Variants in SRBD1 observed in about 807,000 individuals in gnomAD.
SRBD1 encodes the protein S1 RNA-binding domain-containing protein 1.
A neutral mutation model predicts 115.3 loss-of-function variants in SRBD1; 88 were observed. That is an observed-to-expected ratio of 0.76 (90% CI 0.64 to 0.91). The LOEUF is 0.91. Among genes scored for constraint, SRBD1 ranks in the 40% least tolerant of loss-of-function variants. The pLI, the probability that SRBD1 is intolerant of heterozygous loss-of-function variation, is 0.00. For missense variants in SRBD1, 1,385 were observed against 1,177.4 expected, an observed-to-expected ratio of 1.18 and a Z score of -2.58; for synonymous variants, 509 against 407.7, an observed-to-expected ratio of 1.25 and a Z score of -2.99.
intron 7 of SRBD1, 81 bp downstream of exon 7, chr2:45,579,793 CA>C: frequency 7.1e-7 from 1 of 1,414,374 alleles, no homozygotes; most frequent in Non-Finnish European, 9.3e-7. Flanking sequence ...CAGTACTTAA[CA>C]AAACAGTTTT....
At chr2:45,389,746 C>A in intron 20 of SRBD1, 147 bp from the exon 21 acceptor site, 1 of 783,300 alleles carries the variant, frequency 1.3e-6, no homozygotes, top group East Asian at 2.7e-5. Context: ...CAGACCAACG[C>A]TTGCCTTCAG....
At chr2:45,564,383 C>T (rs749913481) in intron 9 of SRBD1, among the ~76,000 whole-genome samples, 12 of 152,166 alleles carry the variant, frequency 7.9e-5, no homozygotes, top group Non-Finnish European at 1.3e-4. Context: ...AGCGTGTCCA[C>T]TCTCACAACA....
chr2:45,418,676 T>TA (rs71948671), intron 17 of SRBD1, 135 bp from the exon 18 acceptor site: 993 of 392,780 alleles, frequency 2.5e-3, no homozygotes, highest in East Asian at 8.6e-3. Context: ...AAAGGGAGTT[T>TA]AAAAAAAAAA....
At position 45,493,531 on chromosome 2, in the gene SRBD1, C is replaced by G. The variant is rs2103870441; in HGVS notation, c.1875-5200G>C. Among the ~76,000 whole-genome samples the G allele has an allele frequency of 1.3e-5, 2 of 152,182 alleles. 1 individual carries two copies. The highest frequency in any genetic ancestry group is 4.1e-4 in the South Asian group (2 of 4,820). On this transcript the variant is annotated intron_variant, in intron 14 of 20. Coordinates refer to ENST00000263736, the MANE Select transcript of SRBD1 (RefSeq NM_018079.5). ...AGTCATCTTAAAAACTTAGGTAAGG[C>G]CAGGCACGGTGGCACACACCTGTAA... is the stretch of plus-strand genomic sequence containing the variant.
At position 45,389,422 on chromosome 2, in the gene SRBD1, G is replaced by C; in HGVS notation, c.2876C>G (p.Thr959Arg). The C allele has an allele frequency of 6.2e-7, 1 of 1,613,948 alleles. No individual in the cohort carries two copies. Among genetic ancestry groups the C allele is most frequent in the Admixed American group, 1.7e-5 (1 of 59,988 alleles). Residue 959 changes from threonine to arginine, a missense_variant, in exon 21 of 21, where the codon ACA becomes AGA. Thr to Arg is a moderately conservative substitution (Grantham distance 71). Coordinates refer to ENST00000263736, the MANE Select transcript of SRBD1 (RefSeq NM_018079.5). ...RNVTEAKLSK[T>R]KKRRSLGLGP... ...CAGTCCAAGGCTTCTTCTCTTCTTT[G>C]TTTTTGAAAGTTTTGCTTCTGTTAC...
chr2:45,530,249 A>G (rs1671571654), intron 14 of SRBD1, among the ~76,000 whole-genome samples: 1 of 152,094 alleles, frequency 6.6e-6, no homozygotes, highest in Non-Finnish European at 1.5e-5. Flanking sequence ...CAAGTTGCTT[A>G]TCACTAAGTA....
At chr2:45,414,652 GCACA>G in intron 18 of SRBD1, among the ~76,000 whole-genome samples, 2 of 149,500 alleles carry the variant, frequency 1.3e-5, no homozygotes, top group East Asian at 3.9e-4. Context: ...TATATAGTAT[GCACA>G]TACACACATA....
chr2:45,397,413 T>G (rs1572591161), intron 19 of SRBD1, among the ~76,000 whole-genome samples: 1 of 152,202 alleles, frequency 6.6e-6, no homozygotes. Flanking sequence ...TAAATTCAAG[T>G]GTGGCAAACG....
chr2:45,527,937 G>A lies in SRBD1; in HGVS notation c.1874+18795C>T, dbSNP rs533803379. 3.9e-5 allele frequency among the ~76,000 whole-genome samples: 6 copies of A among 152,000 alleles called. No homozygotes were observed. The South Asian group carries it at 1.2e-3, about 31-fold the overall frequency. On this transcript the variant is annotated intron_variant, in intron 14 of 20. Transcript: ENST00000263736. ...GTATGAAAGGAAAGGGCACTTAAAT[G>A]GAAGCCACTGAAAACAGGAGCCAAA...
rs115728689 is a variant in SRBD1, at chr2:45,584,358, C to T, written c.815+1250G>A. Among the ~76,000 whole-genome samples, 1,257 of 152,318 alleles carry T rather than the reference C, an allele frequency of 8.3e-3. 20 individuals are homozygous for T. The highest frequency in any genetic ancestry group is 0.029 in the African/African-American group (1,194 of 41,566). On this transcript the variant is annotated intron_variant, in intron 5 of 20. Coordinates refer to ENST00000263736, the MANE Select transcript of SRBD1 (RefSeq NM_018079.5). ...TCCTAGCCTGGCTCTGGAACATTTG[C>T]ATCTGAGACTATTTGATTTAGTCAT...
chr2:45,546,789 G>T lies in SRBD1; in HGVS notation c.1817C>A (p.Ala606Asp). ...CTTCATTATCAGGTCAGCAAAGTAA[G>T]CTTCTGTTTCCCTGCAGGCAGTTCC... is the stretch of plus-strand genomic sequence containing the variant. ...GNGTACRETE[A>D]YFADLIMKNY... is the part of the protein sequence containing the mutation. Residue 606 changes from alanine to aspartate, a missense_variant, in exon 14 of 21, where the codon GCT becomes GAT. Ala to Asp is a moderately radical substitution (Grantham distance 126). Coordinates refer to ENST00000263736, the MANE Select transcript of SRBD1 (RefSeq NM_018079.5). 1 of 1,614,146 alleles carries T rather than the reference G, an allele frequency of 6.2e-7. No individual in the cohort carries two copies. Among genetic ancestry groups the T allele is most frequent in the Non-Finnish European group, 8.5e-7 (1 of 1,180,002 alleles).
rs578247594 is a variant in SRBD1, at chr2:45,553,929, G to A, written c.1410-199C>T. Among the ~76,000 whole-genome samples the A allele has an allele frequency of 2.6e-5, 4 of 152,234 alleles. No homozygotes were observed. In the East Asian group the frequency reaches 7.7e-4, roughly 29 times the overall value. ...TGGAGTTTTTATTTTAAAAATCCTA[G>A]TAACTATCTATGGTCAGATATAAAA... On this transcript the variant is annotated intron_variant, in intron 10 of 20. Transcript: ENST00000263736.
Position 45,414,843 on chromosome 2 carries a change from C to CATATAGTGTGTATATAGTATGTACACACA in SRBD1, c.2334-1579_2334-1551dup, listed in dbSNP as rs1558563705. Among the ~76,000 whole-genome samples the CATATAGTGTGTATATAGTATGTACACACA allele has an allele frequency of 4.2e-4, 52 of 122,704 alleles. 1 individual carries two copies. The highest frequency in any genetic ancestry group is 1.1e-3 in the East Asian group (4 of 3,542). The allele number at this position is 122,704 out of a possible 152,430, so 80.5% of individuals were successfully genotyped here. Reference sequence around the variant, plus strand: ...AGTGTGTATATAGTATGTACACACACATATAGTGTGTATATAGTATGTACA... The same window carrying CATATAGTGTGTATATAGTATGTACACACA: ...AGTGTGTATATAGTATGTACACACACATATAGTGTGTATATAGTATGTACACACAATATAGTGTGTATATAGTATGTACA... On this transcript the variant is annotated intron_variant, in intron 18 of 20. Coordinates refer to ENST00000263736, the MANE Select transcript of SRBD1 (RefSeq NM_018079.5).
At chr2:45,520,388 C>A (rs1671245150) in intron 14 of SRBD1, among the ~76,000 whole-genome samples, 1 of 152,196 alleles carries the variant, frequency 6.6e-6, no homozygotes. Flanking sequence ...GCTGACACTG[C>A]CACAGGCTGT....
At chr2:45,527,314 G>A (rs777341415) in intron 14 of SRBD1, among the ~76,000 whole-genome samples, 4 of 151,646 alleles carry the variant, frequency 2.6e-5, no homozygotes, top group Admixed American at 2.0e-4. Flanking sequence ...ATGAATTTCC[G>A]AAAAAAGTTA....
intron 16 of SRBD1, among the ~76,000 whole-genome samples, chr2:45,455,673 C>T (rs1161471681): frequency 6.6e-6 from 1 of 151,728 alleles, no homozygotes. Flanking sequence ...TTCTCCCTGA[C>T]ACAACTTTGC....
intron 16 of SRBD1, among the ~76,000 whole-genome samples, chr2:45,422,889 C>G (rs1668048226): frequency 6.6e-6 from 1 of 152,034 alleles, no homozygotes; most frequent in African/African-American, 2.4e-5. Context: ...TAAAATGAAT[C>G]ACTCTATACT....
At chr2:45,554,412 G>GT (rs1166168400) in intron 10 of SRBD1, among the ~76,000 whole-genome samples, 1 of 152,204 alleles carries the variant, frequency 6.6e-6, no homozygotes, top group Non-Finnish European at 1.5e-5. Flanking sequence ...GACAGCCACT[G>GT]TATCCTTTTT....
intron 16 of SRBD1, among the ~76,000 whole-genome samples, chr2:45,473,217 A>AT (rs1323234811): frequency 6.6e-6 from 1 of 151,866 alleles, no homozygotes; most frequent in Non-Finnish European, 1.5e-5. Context: ...GTTGTTCTTC[A>AT]TATGTTTCAG....
Sources: allele counts gnomAD v4.1 joint callset (sites outside exome capture counted in the v4.1 genomes callset), GRCh38; gene constraint gnomAD v4.1.1; transcripts MANE v1.5; gene names NCBI Gene and HGNC (gene_info 2026-07-23, HGNC 2026-07-21).